Variants in MAP3K13 observed in about 807,000 individuals in gnomAD.
The protein encoded by MAP3K13 is mitogen-activated protein kinase kinase kinase 13.
A neutral mutation model predicts 104.0 loss-of-function variants in MAP3K13; 52 were observed. The observed-to-expected ratio is 0.50, with a 90% CI of 0.40 to 0.63. The LOEUF is 0.63. Among genes scored for constraint, MAP3K13 ranks in the 20% least tolerant of loss-of-function variants. MAP3K13 has a pLI of 0.00. For synonymous variants in MAP3K13, 394 were observed against 442.2 expected (o/e 0.89, Z 1.37); for missense variants, 914 against 1,218.5 (o/e 0.75, Z 3.72).
At chr3:185,328,059 C>T (rs1472637967) in intron 2 of MAP3K13, among the ~76,000 whole-genome samples, 1 of 151,928 alleles carries the variant, frequency 6.6e-6, no homozygotes, top group Non-Finnish European at 1.5e-5. Flanking sequence ...GGGAAAGAAG[C>T]TTAGGAATGT....
chr3:185,293,581 C>T (rs1720820488), intron 2 of MAP3K13, among the ~76,000 whole-genome samples: 1 of 152,088 alleles, frequency 6.6e-6, no homozygotes, highest in Non-Finnish European at 1.5e-5. Context: ...CATGCCACCA[C>T]ACCCAGCTAA....
chr3:185,451,588 C>T, intron 7 of MAP3K13, 193 bp downstream of exon 7: 1 of 451,364 alleles, frequency 2.2e-6, no homozygotes. Context: ...TTATTATTAA[C>T]TCATTTGAAA....
Position 185,466,890 on chromosome 3 carries a change from A to T in MAP3K13, c.1570A>T (p.Ile524Phe). The T allele has an allele frequency of 1.2e-6, 2 of 1,613,976 alleles. No homozygotes were observed. The highest frequency in any genetic ancestry group is 1.7e-6 in the Non-Finnish European group (2 of 1,179,848). Residue 524 changes from isoleucine to phenylalanine, a missense_variant, in exon 10 of 14, where the codon ATC becomes TTC. Ile to Phe is a conservative substitution (Grantham distance 21). Around this residue, in one of 3 missense-constraint regions of MAP3K13, gnomAD observed 583 missense variants for 737.4 expected, o/e 0.79. Coordinates refer to ENST00000265026, the MANE Select transcript of MAP3K13 (RefSeq NM_004721.5). Reference protein sequence around the residue: ...TYKRHPVRPIIHPNAMEKLMK... With the variant: ...TYKRHPVRPIFHPNAMEKLMK... Reference sequence around the variant, plus strand: ...CAAACGACACCCTGTTCGTCCTATCATCCATCCCAATGCCATGGAGAAACT... The same window carrying T: ...CAAACGACACCCTGTTCGTCCTATCTTCCATCCCAATGCCATGGAGAAACT...
chr3:185,335,320 C>G (rs1283512885), intron 2 of MAP3K13, among the ~76,000 whole-genome samples: 1 of 152,128 alleles, frequency 6.6e-6, no homozygotes, highest in South Asian at 2.1e-4. Context: ...AATAAGCCCC[C>G]TCTTTGATAC....
rs527322591 is a variant in MAP3K13 at position 185,308,497 on chromosome 3, CTT to C, written c.-86+22857_-86+22858del. Among the ~76,000 whole-genome samples the C allele has an allele frequency of 5.0e-4, 66 of 131,960 alleles. 1 individual carries two copies. Among genetic ancestry groups the C allele is most frequent in the Admixed American group, 9.7e-4 (12 of 12,394 alleles). The allele number at this position is 131,960 out of a possible 152,430, so 86.6% of individuals were successfully genotyped here. ...GGTTGGATATACTTTCTACTCTTCT[CTT>C]TTCTTCATGAGAGAAAGGCCATGAG... On this transcript the variant is annotated intron_variant, in intron 2 of 14. Transcript: ENST00000424227.
At chr3:185,363,662 C>T (rs955304191) in intron 1 of MAP3K13, among the ~76,000 whole-genome samples, 2 of 152,198 alleles carry the variant, frequency 1.3e-5, no homozygotes, top group Non-Finnish European at 2.9e-5. Context: ...AGATTCATTT[C>T]TCTGAGAGAT....
In MAP3K13 at chr3:185,418,278, A is replaced by G; in HGVS notation, c.-85-10219A>G. 1 of 1,586,572 alleles carries G rather than the reference A, an allele frequency of 6.3e-7. No individual in the cohort carries two copies. Among genetic ancestry groups the G allele is most frequent in the African/African-American group, 1.3e-5 (1 of 74,418 alleles). ...CTTTAAGTTTCTTAAGGAGCAAAAC[A>G]GCTTCCTTGGTCTTCTTGTAGCCTT... On this transcript the variant is annotated intron_variant, in intron 1 of 13. Transcript: ENST00000265026. The surrounding 1 kb of genome is among the most constrained non-coding windows in gnomAD (Gnocchi z 4.5).
intron 1 of MAP3K13, among the ~76,000 whole-genome samples, chr3:185,409,981 G>C (rs1713338257): frequency 6.6e-6 from 1 of 152,112 alleles, no homozygotes; most frequent in Admixed American, 6.5e-5. Flanking sequence ...AGATCATCAG[G>C]CATTAGTTAG....
chr3:185,381,975 C>T (rs1724746329), intron 1 of MAP3K13, among the ~76,000 whole-genome samples: 1 of 152,132 alleles, frequency 6.6e-6, no homozygotes, highest in Non-Finnish European at 1.5e-5. Context: ...AATAACAAGA[C>T]TTAACTGTAG....
chr3:185,489,039 C>G lies in MAP3K13; in HGVS notation c.*6583C>G, dbSNP rs901751754. 3.9e-5 allele frequency: 6 copies of G among 152,146 alleles called. No individual in the cohort carries two copies. Among genetic ancestry groups the G allele is most frequent in the Non-Finnish European group, 1.5e-5 (1 of 68,044 alleles). The allele number at this position is 152,146 out of a possible 1,614,324, so 9.4% of individuals were successfully genotyped here. ...TCTCTGTATTGAACGGCAATGGGAA[C>G]AAGAATGACTATCAAAGCAAACAAA... On this transcript the variant is annotated 3_prime_UTR_variant, in exon 14 of 14. Transcript: ENST00000265026.
At chr3:185,353,817 T>C (rs890190230) in intron 2 of MAP3K13, among the ~76,000 whole-genome samples, 7 of 152,178 alleles carry the variant, frequency 4.6e-5, no homozygotes, top group African/African-American at 1.7e-4. Context: ...TTGTCCCTGC[T>C]CTCTCATATC....
Position 185,427,198 on chromosome 3 carries a change from C to CAA in MAP3K13, c.-85-1284_-85-1283dup, listed in dbSNP as rs58646071. Among the ~76,000 whole-genome samples, 245 of 127,158 alleles carry CAA rather than the reference C, an allele frequency of 1.9e-3. No individual in the cohort carries two copies. The Middle Eastern group carries it at 0.048, about 25-fold the overall frequency. 83.4% of individuals were successfully genotyped at this position (127,158 alleles called of 152,430 possible). On this transcript the variant is annotated intron_variant, in intron 1 of 13. Transcript: ENST00000265026. ...TGAAATCCCGTCTCTACTAAAAATA[C>CAA]AAAAAAAAAAAAAAAATTAGCTGGG...
intron 2 of MAP3K13, among the ~76,000 whole-genome samples, chr3:185,295,620 T>C (rs754341380): frequency 2.0e-5 from 3 of 152,212 alleles, no homozygotes; most frequent in Non-Finnish European, 2.9e-5. Flanking sequence ...ATATTATTTT[T>C]TCCAAGAAGC....
In MAP3K13 at chr3:185,428,911, A is replaced by G. The variant is rs759284744; in HGVS notation, c.330A>G (p.Thr110=). 1 of 1,614,198 alleles carries G rather than the reference A, an allele frequency of 6.2e-7. No homozygotes were observed. The highest frequency in any genetic ancestry group is 8.5e-7 in the Non-Finnish European group (1 of 1,180,042). The part of the protein sequence containing the change: ...GNSNTVDGES[T]SGTEDIKIQF... ...GCAACACGGTGGACGGAGAGAGCACAAGCGGAACTGAAGACATAAAGATTC... is the reference window on the plus strand; with the variant it reads ...GCAACACGGTGGACGGAGAGAGCACGAGCGGAACTGAAGACATAAAGATTC... Residue 110 remains threonine, a synonymous_variant, in exon 2 of 14, where the codon ACA becomes ACG. Transcript: ENST00000265026.
chr3:185,455,825 T>C (rs1164356136), intron 7 of MAP3K13, among the ~76,000 whole-genome samples: 1 of 111,828 alleles, frequency 8.9e-6, no homozygotes, highest in Non-Finnish European at 1.8e-5. Flanking sequence ...ATATGAGATA[T>C]ATATGAGATA....
At chr3:185,352,947 T>A (rs1019033955) in intron 2 of MAP3K13, among the ~76,000 whole-genome samples, 4 of 152,258 alleles carry the variant, frequency 2.6e-5, no homozygotes, top group Admixed American at 6.5e-5. Flanking sequence ...GCAACTACTA[T>A]CTTTTACTAC....
upstream of MAP3K13, among the ~76,000 whole-genome samples, chr3:185,360,268 A>G (rs1384006837): frequency 1.3e-5 from 2 of 152,166 alleles, no homozygotes; most frequent in South Asian, 2.1e-4. Flanking sequence ...AAATGTGACT[A>G]TTTTGGAGTT....
chr3:185,302,027 T>C (rs1406358269), intron 2 of MAP3K13, among the ~76,000 whole-genome samples: 1 of 152,152 alleles, frequency 6.6e-6, no homozygotes, highest in African/African-American at 2.4e-5. Flanking sequence ...TTGATAGGGA[T>C]TGCGTGAATC....
At chr3:185,379,094 C>T (rs1182632827) in intron 1 of MAP3K13, among the ~76,000 whole-genome samples, 2 of 152,114 alleles carry the variant, frequency 1.3e-5, no homozygotes, top group Non-Finnish European at 2.9e-5. Context: ...CAGCCCCAGG[C>T]TGCAGCGTGG....
Sources: gnomAD v4.1 joint callset for allele counts (sites outside exome capture counted in the v4.1 genomes callset) on GRCh38, gnomAD v4.1.1 for gene constraint, gnomAD v4.1.1 regional missense constraint, Gnocchi (gnomAD v3.1) non-coding constraint, MANE v1.5 for transcripts, NCBI Gene and HGNC (gene_info 2026-07-23, HGNC 2026-07-21) for gene names.